The following STAG1 variants were observed in gnomAD, a reference collection of about 807,000 sequenced individuals.
STAG1 encodes cohesin subunit SA-1.
A neutral mutation model predicts 170.9 loss-of-function variants in STAG1; 26 were observed. That is an observed-to-expected ratio of 0.15 (90% CI 0.11 to 0.21). The LOEUF (loss-of-function observed/expected upper bound fraction) is 0.21, where lower values mean the gene tolerates loss of function less well. STAG1 is among the 10% of genes least tolerant of loss of function. The pLI, the probability that STAG1 is intolerant of heterozygous loss-of-function variation, is 1.00. For synonymous variants in STAG1, 514 were observed against 497.7 expected (o/e 1.03, Z -0.44); for missense variants, 964 against 1,509.5 (o/e 0.64, Z 5.99).
intron 14 of STAG1, 24 bp downstream of exon 14, chr3:136,452,009 G>A: frequency 7.1e-7 from 1 of 1,414,346 alleles, no homozygotes; most frequent in Non-Finnish European, 9.8e-7. Flanking sequence ...AAGAAATAAG[G>A]AATTATCTTA....
chr3:136,713,676 C>T (rs887315000), intron 1 of STAG1, among the ~76,000 whole-genome samples: 3 of 151,896 alleles, frequency 2.0e-5, no homozygotes, highest in Admixed American at 2.0e-4. Context: ...TCACTTGAGG[C>T]CAGGAGTTAG....
intron 29 of STAG1, among the ~76,000 whole-genome samples, chr3:136,346,898 A>C (rs1936243594): frequency 6.6e-6 from 1 of 152,138 alleles, no homozygotes; most frequent in African/African-American, 2.4e-5. Flanking sequence ...CAGGAGTTCA[A>C]GACCAGCCTG....
intron 29 of STAG1, among the ~76,000 whole-genome samples, chr3:136,345,650 A>C (rs765879257): frequency 2.0e-5 from 3 of 152,098 alleles, no homozygotes; most frequent in Non-Finnish European, 4.4e-5. Flanking sequence ...AAAAAGTATT[A>C]CTGCTTTGGT....
chr3:136,684,154 G>C (rs912456290), intron 1 of STAG1, among the ~76,000 whole-genome samples: 5 of 152,140 alleles, frequency 3.3e-5, no homozygotes, highest in Non-Finnish European at 5.9e-5. Context: ...CTAGCAAATT[G>C]TTTTGTGAAT....
At chr3:136,563,362 G>C (rs1402808674) in intron 5 of STAG1, among the ~76,000 whole-genome samples, 2 of 151,982 alleles carry the variant, frequency 1.3e-5, no homozygotes, top group Non-Finnish European at 2.9e-5. Context: ...TTCATTTTTA[G>C]GATATTCTCC....
intron 10 of STAG1, among the ~76,000 whole-genome samples, chr3:136,476,458 G>A (rs2089752617): frequency 6.6e-6 from 1 of 152,166 alleles, no homozygotes; most frequent in South Asian, 2.1e-4. Flanking sequence ...AATGAATATG[G>A]TATTCCAGGG....
At chr3:136,536,276 A>G (rs1270564002) in intron 6 of STAG1, among the ~76,000 whole-genome samples, 1 of 152,204 alleles carries the variant, frequency 6.6e-6, no homozygotes, top group African/African-American at 2.4e-5. Flanking sequence ...GTACAATTCT[A>G]TAACTTACTG....
chr3:136,413,105 C>T (rs1450806758), intron 21 of STAG1, among the ~76,000 whole-genome samples: 2 of 151,084 alleles, frequency 1.3e-5, no homozygotes, highest in Non-Finnish European at 2.9e-5. Context: ...CTCAAGTGAT[C>T]TACCCACCTC....
At chr3:136,625,920 G>A (rs564436050) in intron 2 of STAG1, among the ~76,000 whole-genome samples, 89 of 152,324 alleles carry the variant, frequency 5.8e-4, no homozygotes, top group Non-Finnish European at 6.6e-4. Flanking sequence ...GGGCGCAGTG[G>A]CTCATGCCTG....
intron 3 of STAG1, among the ~76,000 whole-genome samples, chr3:136,607,857 T>G (rs923132684): frequency 6.6e-6 from 1 of 152,244 alleles, no homozygotes; most frequent in Non-Finnish European, 1.5e-5. Flanking sequence ...TGGCACAAGA[T>G]GCTCCAGGTT....
At chr3:136,619,165 G>C (rs1939730852) in intron 3 of STAG1, among the ~76,000 whole-genome samples, 1 of 151,782 alleles carries the variant, frequency 6.6e-6, no homozygotes, top group Non-Finnish European at 1.5e-5. Flanking sequence ...GAATCCTTCT[G>C]TGTTGGAAAT....
chr3:136,677,937 ATATAT>A lies in STAG1; in HGVS notation c.-83-46961_-83-46957del, dbSNP rs990618079. 1.3e-4 allele frequency among the ~76,000 whole-genome samples: 19 copies of A among 147,414 alleles called. 1 individual carries two copies. The highest frequency in any genetic ancestry group is 2.1e-4 in the South Asian group (1 of 4,756). On this transcript the variant is annotated intron_variant, in intron 1 of 33. Coordinates refer to ENST00000383202, the MANE Select transcript of STAG1 (RefSeq NM_005862.3). ...TATATTTAGTACTTTGATATATATT[ATATAT>A]TATATTTTATATATGTATATAATAT... is the stretch of plus-strand genomic sequence containing the variant.
chr3:136,745,576 C>G (rs1292184513), intron 1 of STAG1, among the ~76,000 whole-genome samples: 1 of 152,152 alleles, frequency 6.6e-6, no homozygotes, highest in African/African-American at 2.4e-5. Flanking sequence ...ACTCATATGA[C>G]AATCTAATGC....
chr3:136,683,670 G>C (rs142663657), intron 1 of STAG1, among the ~76,000 whole-genome samples: 1 of 151,924 alleles, frequency 6.6e-6, no homozygotes, highest in Non-Finnish European at 1.5e-5. Flanking sequence ...TCACCTTTTC[G>C]ACAATGTAAT....
intron 23 of STAG1, among the ~76,000 whole-genome samples, chr3:136,373,327 G>A (rs1576401520): frequency 6.6e-6 from 1 of 152,036 alleles, no homozygotes; most frequent in African/African-American, 2.4e-5. Context: ...TTTTTGAAGG[G>A]TTTTTTGTGT....
At chr3:136,341,951 T>G (rs1935992343) in intron 30 of STAG1, among the ~76,000 whole-genome samples, 2 of 152,154 alleles carry the variant, frequency 1.3e-5, no homozygotes, top group African/African-American at 4.8e-5. Flanking sequence ...TCAGTCTTTA[T>G]GGAGTCAAAT....
At chr3:136,382,749 T>C (rs1444710054) in intron 22 of STAG1, among the ~76,000 whole-genome samples, 7 of 152,082 alleles carry the variant, frequency 4.6e-5, no homozygotes, top group African/African-American at 1.7e-4. Flanking sequence ...CCAATGGGGA[T>C]GGACTAAAGA....
chr3:136,570,207 G>C (rs1305538851), intron 4 of STAG1, among the ~76,000 whole-genome samples: 2 of 152,074 alleles, frequency 1.3e-5, no homozygotes, highest in Non-Finnish European at 2.9e-5. Flanking sequence ...TTGCTTTCCA[G>C]TCAGTAACCA....
At chr3:136,345,706 T>C (rs1198732505) in intron 29 of STAG1, among the ~76,000 whole-genome samples, 13 of 152,192 alleles carry the variant, frequency 8.5e-5, no homozygotes, top group Non-Finnish European at 1.9e-4. Flanking sequence ...ATGAATCCTG[T>C]TGCTTTTCCT....
Sources: allele counts gnomAD v4.1 joint callset (sites outside exome capture counted in the v4.1 genomes callset), GRCh38; gene constraint gnomAD v4.1.1; transcripts MANE v1.5; gene names NCBI Gene and HGNC (gene_info 2026-07-23, HGNC 2026-07-21).